The following TCAIM variants were observed in gnomAD, a reference collection of about 807,000 sequenced individuals.
TCAIM encodes T-cell activation inhibitor, mitochondrial.
A neutral mutation model predicts 58.6 loss-of-function variants in TCAIM; 36 were observed. The observed-to-expected ratio is 0.61, with a 90% CI of 0.47 to 0.81. The LOEUF is 0.81. Ranked by LOEUF, TCAIM falls within the 30% of genes least tolerant of loss-of-function variation. TCAIM has a pLI of 0.00. For synonymous variants in TCAIM, 172 were observed against 193.6 expected, an observed-to-expected ratio of 0.89 and a Z score of 0.93; for missense variants, 466 against 579.6, an observed-to-expected ratio of 0.80 and a Z score of 2.01.
chr3:44,349,995 G>C (rs943435472), intron 1 of TCAIM, among the ~76,000 whole-genome samples: 1 of 151,758 alleles, frequency 6.6e-6, no homozygotes, highest in Admixed American at 6.6e-5. Context: ...ATCTCCCAAG[G>C]GAGATCCCCC....
At chr3:44,396,966 A>G in intron 8 of TCAIM, 132 bp downstream of exon 8, 1 of 783,868 alleles carries the variant, frequency 1.3e-6, no homozygotes, top group Non-Finnish European at 2.0e-6. Flanking sequence ...TTTTAATCGC[A>G]GTATCAGCTG....
In TCAIM at chr3:44,407,819, T is replaced by A. The variant is rs963819827; in HGVS notation, c.*137T>A. The A allele has an allele frequency of 2.0e-5, 20 of 991,502 alleles. No individual in the cohort carries two copies. Among genetic ancestry groups the A allele is most frequent in the African/African-American group, 1.7e-4 (10 of 59,472 alleles). The allele number at this position is 991,502 out of a possible 1,614,324, so 61.4% of individuals were successfully genotyped here. ...CTGCTGCTTTAAAAGTAGACTTTTTTAAAAAAATTAATTTCTGCTAGGAGA... is the reference window on the plus strand; with the variant it reads ...CTGCTGCTTTAAAAGTAGACTTTTTAAAAAAAATTAATTTCTGCTAGGAGA... On this transcript the variant is annotated 3_prime_UTR_variant, in exon 11 of 11. Coordinates refer to ENST00000342649, the MANE Select transcript of TCAIM (RefSeq NM_173826.4).
chr3:44,379,294 A>G (rs568247610), intron 5 of TCAIM, among the ~76,000 whole-genome samples: 1 of 152,220 alleles, frequency 6.6e-6, no homozygotes, highest in Admixed American at 6.5e-5. Flanking sequence ...TAGTTAAACC[A>G]TCGTGGAAAG....
chr3:44,344,737 C>G (rs933560351), intron 1 of TCAIM, among the ~76,000 whole-genome samples: 1 of 151,946 alleles, frequency 6.6e-6, no homozygotes, highest in Admixed American at 6.6e-5. Flanking sequence ...TGGGTGCAGG[C>G]GGGCTGAGTC....
chr3:44,369,652 T>C (rs1701433249), intron 5 of TCAIM, among the ~76,000 whole-genome samples: 1 of 152,202 alleles, frequency 6.6e-6, no homozygotes, highest in Non-Finnish European at 1.5e-5. Flanking sequence ...ATAATTTTTT[T>C]ATTTGTATGT....
At chr3:44,338,967 C>T (rs1401307178) in intron 1 of TCAIM, 133 bp downstream of exon 1, 1 of 152,178 alleles carries the variant, frequency 6.6e-6, no homozygotes, top group African/African-American at 2.4e-5. Context: ...TGCCAGGGGA[C>T]GCAGTATCCG....
intron 1 of TCAIM, among the ~76,000 whole-genome samples, chr3:44,345,051 AAAAAT>A (rs1057263360): frequency 1.3e-5 from 2 of 152,148 alleles, no homozygotes; most frequent in African/African-American, 2.4e-5. Context: ...CATTAATAAG[AAAAAT>A]AAAATAGTGG....
intron 5 of TCAIM, among the ~76,000 whole-genome samples, chr3:44,386,813 C>G (rs1157779559): frequency 1.3e-5 from 2 of 152,244 alleles, no homozygotes; most frequent in Non-Finnish European, 2.9e-5. Context: ...CCCCTCAGCA[C>G]AAACAGCCTG....
chr3:44,367,424 T>C, intron 4 of TCAIM, 32 bp from the exon 5 acceptor site: 1 of 1,583,792 alleles, frequency 6.3e-7, no homozygotes. Context: ...TAATCATCTG[T>C]ATTAATTGTT....
Position 44,351,029 on chromosome 3 carries a change from G to A in TCAIM, c.-44-3710G>A, listed in dbSNP as rs995514479. Reference sequence around the variant, plus strand: ...TTATTGTTGTTGTTGTTTTTGAGATGGAGTCTCACTCTCTTGCCCAGGCAG... The same window carrying A: ...TTATTGTTGTTGTTGTTTTTGAGATAGAGTCTCACTCTCTTGCCCAGGCAG... On this transcript the variant is annotated intron_variant, in intron 1 of 10. Transcript: ENST00000342649. Among the ~76,000 whole-genome samples the A allele has an allele frequency of 1.5e-4, 23 of 152,234 alleles. No homozygotes were observed. The South Asian group carries it at 4.8e-3, about 32-fold the overall frequency.
At chr3:44,355,719 A>G (rs1233450711) in intron 2 of TCAIM, among the ~76,000 whole-genome samples, 1 of 152,258 alleles carries the variant, frequency 6.6e-6, no homozygotes, top group Non-Finnish European at 1.5e-5. Flanking sequence ...AACATTGAGA[A>G]AGGTGGTACC....
At chr3:44,387,845 T>C (rs1046877845) in intron 5 of TCAIM, among the ~76,000 whole-genome samples, 1 of 152,142 alleles carries the variant, frequency 6.6e-6, no homozygotes, top group Non-Finnish European at 1.5e-5. Context: ...ATGATTGTGC[T>C]GTTGCACTCC....
intron 10 of TCAIM, among the ~76,000 whole-genome samples, chr3:44,405,616 T>C (rs1702087797): frequency 6.6e-6 from 1 of 151,958 alleles, no homozygotes; most frequent in South Asian, 2.1e-4. Flanking sequence ...AAGGCTGCAG[T>C]GAACCATGGT....
chr3:44,398,654 C>A (rs1280774574), intron 8 of TCAIM, among the ~76,000 whole-genome samples: 1 of 152,116 alleles, frequency 6.6e-6, no homozygotes, highest in Non-Finnish European at 1.5e-5. Context: ...TGGTTTCTTA[C>A]AAAACTAAAC....
chr3:44,408,336 G>A lies in TCAIM; in HGVS notation c.*654G>A, dbSNP rs1219560382. 6.6e-6 allele frequency: 1 copy of A among 152,140 alleles called. No individual in the cohort carries two copies. Among genetic ancestry groups the A allele is most frequent in the Non-Finnish European group, 1.5e-5 (1 of 68,028 alleles). 9.4% of individuals were successfully genotyped at this position (152,140 alleles called of 1,614,324 possible). A position where few individuals can be genotyped will look rare whatever the true frequency, so the allele number is the denominator to read the frequency against. On this transcript the variant is annotated 3_prime_UTR_variant, in exon 11 of 11. Coordinates refer to ENST00000342649, the MANE Select transcript of TCAIM (RefSeq NM_173826.4). ...CAGACATATTTTGCAGCCAGTAATT[G>A]ACAGTTAATGTCCAAAACAGGTGAT...
intron 2 of TCAIM, among the ~76,000 whole-genome samples, chr3:44,355,477 A>T (rs1297937922): frequency 1.3e-5 from 2 of 152,212 alleles, no homozygotes; most frequent in Admixed American, 6.5e-5. Context: ...TGAGTAAGGA[A>T]TACAGTGATG....
intron 5 of TCAIM, among the ~76,000 whole-genome samples, chr3:44,386,820 C>A (rs1701751112): frequency 6.6e-6 from 1 of 152,236 alleles, no homozygotes. Context: ...GCACAAACAG[C>A]CTGGGTACCA....
intron 5 of TCAIM, among the ~76,000 whole-genome samples, chr3:44,380,940 A>C (rs916213969): frequency 4.6e-5 from 7 of 152,210 alleles, no homozygotes; most frequent in Non-Finnish European, 8.8e-5. Flanking sequence ...AAATCTACCA[A>C]GACTAAAGCA....
rs1005061778 is a variant in TCAIM at position 44,376,902 on chromosome 3, C to T, written c.572+9194C>T. On this transcript the variant is annotated intron_variant, in intron 5 of 10. Coordinates refer to ENST00000342649, the MANE Select transcript of TCAIM (RefSeq NM_173826.4). ...AGGAGATTGAGACCATCCTGGCTAA[C>T]ATGGTGAAACCCCATCTCTACTAAA... is the stretch of plus-strand genomic sequence containing the variant. 3.9e-5 allele frequency among the ~76,000 whole-genome samples: 6 copies of T among 152,250 alleles called. No homozygotes were observed. The South Asian group carries it at 1.2e-3, about 32-fold the overall frequency.
Sources: gnomAD v4.1 joint callset for allele counts (sites outside exome capture counted in the v4.1 genomes callset) on GRCh38, gnomAD v4.1.1 for gene constraint, MANE v1.5 for transcripts, NCBI Gene and HGNC (gene_info 2026-07-23, HGNC 2026-07-21) for gene names.